The following RB1 variants were observed in gnomAD, a reference collection of about 807,000 sequenced individuals.
RB1 encodes RB transcriptional corepressor 1.
A neutral mutation model predicts 135.4 loss-of-function variants in RB1; 18 were observed. The ratio of observed to expected loss-of-function variants is 0.13; its 90% CI spans 0.09 to 0.20. RB1 has a LOEUF of 0.20. Ranked by LOEUF, RB1 falls within the 10% of genes least tolerant of loss-of-function variation. RB1 has a pLI of 1.00. For missense variants in RB1, 868 were observed against 1,110.0 expected, an observed-to-expected ratio of 0.78 and a Z score of 3.10; for synonymous variants, 365 against 373.2, an observed-to-expected ratio of 0.98 and a Z score of 0.25.
At position 48,367,474 on chromosome 13, in the gene RB1, A is replaced by G. The variant is rs2138120861; in HGVS notation, c.940-20A>G. ...TAATGACATGTAAAGGATAATTGTC[A>G]GTGACTTTTTTCTTTCAAGGTTGAA... On this transcript the variant is annotated intron_variant, in intron 9 of 26. Coordinates refer to ENST00000267163, the MANE Select transcript of RB1 (RefSeq NM_000321.3). 6.3e-7 allele frequency: 1 copy of G among 1,596,974 alleles called. No individual in the cohort carries two copies. Among genetic ancestry groups the G allele is most frequent in the Non-Finnish European group, 8.5e-7 (1 of 1,169,966 alleles).
intron 2 of RB1, among the ~76,000 whole-genome samples, chr13:48,323,361 G>A (rs1384502129): frequency 6.6e-6 from 1 of 151,716 alleles, no homozygotes; most frequent in African/African-American, 2.4e-5. Flanking sequence ...AAGGTTAGTA[G>A]TAATTTTTTT....
At chr13:48,478,302 A>G (rs1949516322) in intron 26 of RB1, among the ~76,000 whole-genome samples, 1 of 152,140 alleles carries the variant, frequency 6.6e-6, no homozygotes, top group African/African-American at 2.4e-5. Flanking sequence ...TTTTCTATGT[A>G]TTTTTTTAAA....
rs1949359603 is a variant in RB1, at chr13:48,456,290, C to T, written c.1901C>T (p.Ser634Leu). 6.2e-7 allele frequency: 1 copy of T among 1,614,230 alleles called. No homozygotes were observed. Among genetic ancestry groups the T allele is most frequent in the Non-Finnish European group, 8.5e-7 (1 of 1,180,046 alleles). Residue 634 changes from serine to leucine, a missense_variant, in exon 19 of 27, where the codon TCA (serine) becomes TTA (leucine). By Grantham distance (145) the Ser-to-Leu change is moderately radical. Transcript: ENST00000267163. The stretch of plus-strand genomic sequence containing the variant: ...GCAAATGCAGAGACACAAGCAACCT[C>T]AGCCTTCCAGACCCAGAAGCCATTG... ...STANAETQATSAFQTQKPLKS... is the reference protein window; with the variant it reads ...STANAETQATLAFQTQKPLKS...
At position 48,379,617 on chromosome 13, in the gene RB1, G is replaced by A. The variant is rs201285819; in HGVS notation, c.1356G>A (p.Leu452=). ...AGCGATACAAACTTGGAGTTCGCTT[G>A]TATTACCGAGTAATGGAATCCATGC... ...GSQRYKLGVR[L]YYRVMESMLK... The change falls in exon 14 of 27, where the codon TTG becomes TTA. Residue 452 remains leucine (L), a synonymous_variant. Coordinates refer to ENST00000267163, the MANE Select transcript of RB1 (RefSeq NM_000321.3). 3.7e-6 allele frequency: 6 copies of A among 1,612,320 alleles called. No homozygotes were observed. The East Asian group carries it at 1.3e-4, about 36-fold the overall frequency.
chr13:48,425,516 G>A (rs751364103), intron 17 of RB1, among the ~76,000 whole-genome samples: 18 of 152,202 alleles, frequency 1.2e-4, no homozygotes, highest in Non-Finnish European at 2.9e-5. Context: ...GCTGCAAAGT[G>A]TAATGAAAGG....
intron 2 of RB1, among the ~76,000 whole-genome samples, chr13:48,332,663 AT>A (rs1243822521): frequency 6.6e-6 from 1 of 152,222 alleles, no homozygotes; most frequent in Non-Finnish European, 1.5e-5. Flanking sequence ...AATGTTTTGT[AT>A]TCTTGAAATT....
intron 1 of RB1, among the ~76,000 whole-genome samples, chr13:48,306,430 A>T (rs1424727206): frequency 6.6e-6 from 1 of 152,096 alleles, no homozygotes; most frequent in East Asian, 1.9e-4. Context: ...AACAAAAACT[A>T]ATTATGTTTT....
At chr13:48,317,362 T>C (rs902198741) in intron 2 of RB1, 10 of 380,926 alleles carry the variant, frequency 2.6e-5, no homozygotes, top group Non-Finnish European at 4.3e-5. Flanking sequence ...CCACTCCGCA[T>C]CTCTACTTTC....
intron 17 of RB1, among the ~76,000 whole-genome samples, chr13:48,434,061 T>A (rs1949158545): frequency 6.6e-6 from 1 of 152,068 alleles, no homozygotes; most frequent in Non-Finnish European, 1.5e-5. Flanking sequence ...TATATGTTCT[T>A]AAAATGTTGA....
At chr13:48,412,631 G>A (rs1390645442) in intron 17 of RB1, 2 of 594,120 alleles carry the variant, frequency 3.4e-6, no homozygotes, top group African/African-American at 1.9e-5. Flanking sequence ...TTCTTCAACA[G>A]GAAAATATTT....
chr13:48,360,005 T>A lies in RB1; in HGVS notation c.608-12T>A. 6.3e-7 allele frequency: 1 copy of A among 1,598,546 alleles called. No homozygotes were observed. The highest frequency in any genetic ancestry group is 8.5e-7 in the Non-Finnish European group (1 of 1,171,638). ...CTCTAACTTTCTTTAAAAATGTACA[T>A]TTTTTTTTCAGGGGAAGTATTACAA... On this transcript the variant is annotated splice_polypyrimidine_tract_variant and intron_variant, in intron 6 of 26. Coordinates refer to ENST00000267163, the MANE Select transcript of RB1 (RefSeq NM_000321.3).
At chr13:48,349,066 A>G in intron 6 of RB1, 43 bp downstream of exon 6, 1 of 1,552,510 alleles carries the variant, frequency 6.4e-7, no homozygotes, top group African/African-American at 1.4e-5. Context: ...TTCAAATGTA[A>G]TAATTAAATT....
chr13:48,376,384 C>G (rs757857451), intron 12 of RB1, among the ~76,000 whole-genome samples: 1 of 151,618 alleles, frequency 6.6e-6, no homozygotes, highest in Non-Finnish European at 1.5e-5. Context: ...CCTATAATCC[C>G]AGCTACTTGG....
intron 8 of RB1, among the ~76,000 whole-genome samples, chr13:48,363,265 C>G (rs1952660390): frequency 6.6e-6 from 1 of 151,656 alleles, no homozygotes; most frequent in Non-Finnish European, 1.5e-5. Context: ...AAATACCCTG[C>G]CAAGGCTGGG....
At chr13:48,328,889 T>G (rs555140011) in intron 2 of RB1, among the ~76,000 whole-genome samples, 1 of 152,336 alleles carries the variant, frequency 6.6e-6, no homozygotes, top group East Asian at 1.9e-4. Flanking sequence ...ATCTCTCCAT[T>G]CTATATAAAT....
chr13:48,476,836 G>T lies in RB1; in HGVS notation c.2656G>T (p.Asp886Tyr). Residue 886 changes from aspartate (D) to tyrosine (Y), a missense_variant, in exon 25 of 27, where the codon GAT (aspartate) becomes TAT (tyrosine). By Grantham distance (160) the Asp-to-Tyr change is radical. Around this residue, in one of 3 missense-constraint regions of RB1, gnomAD observed 196 missense variants for 239.8 expected, o/e 0.82. Coordinates refer to ENST00000267163, the MANE Select transcript of RB1 (RefSeq NM_000321.3). ...TGATATTGAAGGATCAGATGAAGCA[G>T]ATGGAAGGTAGGAACCAGTTTTGAA... ...RFDIEGSDEA[D>Y]GSKHLPGESK... 6.2e-7 allele frequency: 1 copy of T among 1,613,562 alleles called. No individual in the cohort carries two copies. The highest frequency in any genetic ancestry group is 1.1e-5 in the South Asian group (1 of 91,070).
In RB1 at chr13:48,402,379, C is replaced by CTTTTTTTTTTTT. The variant is rs545934425; in HGVS notation, c.1695+20938_1695+20949dup. On this transcript the variant is annotated intron_variant, in intron 17 of 26. Transcript: ENST00000267163. Reference sequence around the variant, plus strand: ...GGTAAAGAAATCCCTTGTAGAAAACCTTTTTTTTTTTTTAAACAGATGAGT... The same window carrying CTTTTTTTTTTTT: ...GGTAAAGAAATCCCTTGTAGAAAACCTTTTTTTTTTTTTTTTTTTTTTTTTAAACAGATGAGT... Among the ~76,000 whole-genome samples the CTTTTTTTTTTTT allele has an allele frequency of 9.3e-3, 1,163 of 125,632 alleles. 21 individuals are homozygous for CTTTTTTTTTTTT. Among genetic ancestry groups the CTTTTTTTTTTTT allele is most frequent in the African/African-American group, 0.03 (1,055 of 35,084 alleles). 82.4% of individuals were successfully genotyped at this position (125,632 alleles called of 152,430 possible). A position where few individuals can be genotyped will look rare whatever the true frequency, so the allele number is the denominator to read the frequency against.
intron 17 of RB1, among the ~76,000 whole-genome samples, chr13:48,404,473 AG>A (rs1948721593): frequency 6.6e-6 from 1 of 152,004 alleles, no homozygotes; most frequent in African/African-American, 2.4e-5. Context: ...AATGAAAACC[AG>A]GGGGCTTCAG....
chr13:48,316,512 T>C (rs1952184427), intron 2 of RB1, among the ~76,000 whole-genome samples: 1 of 152,002 alleles, frequency 6.6e-6, no homozygotes, highest in Non-Finnish European at 1.5e-5. Flanking sequence ...ACACAGGAAA[T>C]TGCAATTAGG....
Sources: gnomAD v4.1 joint callset for allele counts (sites outside exome capture counted in the v4.1 genomes callset) on GRCh38, gnomAD v4.1.1 for gene constraint, gnomAD v4.1.1 regional missense constraint, MANE v1.5 for transcripts, NCBI Gene and HGNC (gene_info 2026-07-23, HGNC 2026-07-21) for gene names.